The following CFAP97D1 variants were observed in gnomAD, a reference collection of about 807,000 sequenced individuals.
The protein encoded by CFAP97D1 is CFAP97 domain containing 1.
In CFAP97D1, 15 loss-of-function variants were observed where a neutral mutation model predicts 20.5. The ratio of observed to expected loss-of-function variants is 0.73; its 90% CI spans 0.49 to 1.13. The LOEUF (loss-of-function observed/expected upper bound fraction) is 1.13. Among genes scored for constraint, CFAP97D1 ranks in the 50% most tolerant of loss-of-function variants. The probability of loss-of-function intolerance (pLI) is 0.00; values close to 1 mark genes in which losing one functional copy is unlikely to be tolerated. For missense variants in CFAP97D1, 168 were observed against 202.9 expected, an observed-to-expected ratio of 0.83 and a Z score of 1.04; for synonymous variants, 58 against 71.2, an observed-to-expected ratio of 0.82 and a Z score of 0.93.
intron 2 of CFAP97D1, 91 bp downstream of exon 2, chr17:43,781,280 A>G (rs768063137): frequency 9.5e-7 from 1 of 1,054,316 alleles, no homozygotes; most frequent in Non-Finnish European, 1.4e-6. Context: ...AGAGCCTTCT[A>G]AATACCCATC....
chr17:43,784,935 T>C lies in CFAP97D1; in HGVS notation c.*553T>C, dbSNP rs927131353. ...GTGAGACAATGTTGCAGGCCTGCTA[T>C]GATTGGTCATGCTAGTTTTCAGCCC... On this transcript the variant is annotated 3_prime_UTR_variant, in exon 6 of 6. Transcript: ENST00000449302. 6.6e-6 allele frequency: 1 copy of C among 152,068 alleles called. No individual in the cohort carries two copies. Among genetic ancestry groups the C allele is most frequent in the African/African-American group, 2.4e-5 (1 of 41,388 alleles). The allele number at this position is 152,068 out of a possible 1,614,324, so 9.4% of individuals were successfully genotyped here. A position where few individuals can be genotyped will look rare whatever the true frequency, so the allele number is the denominator to read the frequency against.
intron 4 of CFAP97D1, among the ~76,000 whole-genome samples, chr17:43,783,520 G>A (rs1012942777): frequency 6.6e-6 from 1 of 151,644 alleles, no homozygotes; most frequent in African/African-American, 2.4e-5. Context: ...TTATGTGTCA[G>A]TTTCATAACA....
intron 3 of CFAP97D1, 79 bp from the exon 4 acceptor site, chr17:43,783,101 G>A: frequency 2.0e-6 from 3 of 1,525,330 alleles, no homozygotes; most frequent in South Asian, 2.4e-5. Flanking sequence ...TGGCATTTAT[G>A]ATCTCATGAC....
At chr17:43,787,620 AC>A (rs1292303844), downstream of CFAP97D1, 6 of 152,208 alleles carry the variant, frequency 3.9e-5, no homozygotes, top group East Asian at 1.9e-4. Context: ...CTTAAAAAAA[AC>A]AACATGCCTA....
At position 43,786,333 on chromosome 17, in the gene CFAP97D1, T is replaced by G. The variant is rs570834167; in HGVS notation, c.*1951T>G. The G allele has an allele frequency of 2.0e-4, 31 of 152,330 alleles. No individual in the cohort carries two copies. Among genetic ancestry groups the G allele is most frequent in the Admixed American group, 5.2e-4 (8 of 15,304 alleles). The allele number at this position is 152,330 out of a possible 1,614,324, so 9.4% of individuals were successfully genotyped here. ...TTACCAGGTTTCTATTCAGTCAAGT[T>G]GGCACCTTAAATTAACCATCGCACT... On this transcript the variant is annotated 3_prime_UTR_variant, in exon 6 of 6. Transcript: ENST00000449302.
At chr17:43,782,013 C>A in intron 3 of CFAP97D1, 121 bp downstream of exon 3, 1 of 672,420 alleles carries the variant, frequency 1.5e-6, no homozygotes, top group South Asian at 1.8e-5. Context: ...GAGGGAGAAC[C>A]AAACAGACCA....
intron 1 of CFAP97D1, 128 bp downstream of exon 1, chr17:43,780,714 G>A: frequency 2.0e-6 from 2 of 1,025,638 alleles, no homozygotes; most frequent in Non-Finnish European, 2.8e-6. Context: ...TGAGTTTGGG[G>A]AAGAGGGCAT....
At chr17:43,783,157 T>C in intron 3 of CFAP97D1, 23 bp from the exon 4 acceptor site, 2 of 1,551,498 alleles carry the variant, frequency 1.3e-6, no homozygotes, top group Non-Finnish European at 1.7e-6. Context: ...TCTTCACCCA[T>C]TTCGGGGTTT....
intron 2 of CFAP97D1, 71 bp downstream of exon 2, chr17:43,781,260 T>G: frequency 1.6e-6 from 2 of 1,278,398 alleles, no homozygotes; most frequent in South Asian, 2.6e-5. Context: ...CTAAAGAGGT[T>G]CAATTTCCCA....
Position 43,783,829 on chromosome 17 carries a change from C to T in CFAP97D1, c.439-8C>T, listed in dbSNP as rs1974498966. 15 of 1,548,078 alleles carry T rather than the reference C, an allele frequency of 9.7e-6. No individual in the cohort carries two copies. The highest frequency in any genetic ancestry group is 1.2e-5 in the Non-Finnish European group (14 of 1,145,476). On this transcript the variant is annotated splice_region_variant and splice_polypyrimidine_tract_variant and intron_variant, in intron 4 of 5. Transcript: ENST00000449302. ...GGCATTGACATAAACCAATTTTTTTCCTTCAAGAATTCAAGGCGCTATATC... is the reference window on the plus strand; with the variant it reads ...GGCATTGACATAAACCAATTTTTTTTCTTCAAGAATTCAAGGCGCTATATC...
chr17:43,781,309 T>A, intron 2 of CFAP97D1, 120 bp downstream of exon 2: 1 of 813,396 alleles, frequency 1.2e-6, no homozygotes, highest in Non-Finnish European at 2.0e-6. Context: ...GATTTGTTAA[T>A]ACTCCTCCTC....
At chr17:43,782,415 A>AC (rs1455544049) in intron 3 of CFAP97D1, among the ~76,000 whole-genome samples, 1 of 152,070 alleles carries the variant, frequency 6.6e-6, no homozygotes, top group Non-Finnish European at 1.5e-5. Context: ...TCAAAGGCCC[A>AC]CCCCCTAATA....
chr17:43,781,687 G>A lies in CFAP97D1; in HGVS notation c.196-87G>A, dbSNP rs75106919. ...GGCCCTCAATGCACCCCTTTCCCAC[G>A]ATCTCAGAGGAGGGGAACACTAAGT... On this transcript the variant is annotated intron_variant, in intron 2 of 5. Coordinates refer to ENST00000449302, the MANE Select transcript of CFAP97D1 (RefSeq NM_001136483.3). The A allele has an allele frequency of 2.7e-3, 2,447 of 901,510 alleles. 52 individuals are homozygous for A. In the African/African-American group the frequency reaches 0.036, roughly 13 times the overall value. 55.8% of individuals were successfully genotyped at this position (901,510 alleles called of 1,614,324 possible).
chr17:43,784,862 T>C lies in CFAP97D1; in HGVS notation c.*480T>C, dbSNP rs554556537. ...GCCTCATTGAAGTTTCCATGGACTC[T>C]GTTCATTTATAGGGAGCAGCAGCAG... On this transcript the variant is annotated 3_prime_UTR_variant, in exon 6 of 6. Coordinates refer to ENST00000449302, the MANE Select transcript of CFAP97D1 (RefSeq NM_001136483.3). 6.6e-6 allele frequency: 1 copy of C among 152,292 alleles called. No individual in the cohort carries two copies. Among genetic ancestry groups the C allele is most frequent in the Admixed American group, 6.5e-5 (1 of 15,294 alleles). The allele number at this position is 152,292 out of a possible 1,614,324, so 9.4% of individuals were successfully genotyped here.
At position 43,784,884 on chromosome 17, in the gene CFAP97D1, G is replaced by C. The variant is rs569656302; in HGVS notation, c.*502G>C. On this transcript the variant is annotated 3_prime_UTR_variant, in exon 6 of 6. Transcript: ENST00000449302. Reference sequence around the variant, plus strand: ...CTCTGTTCATTTATAGGGAGCAGCAGCAGTGAAAATGTCTCAAAACATACG... The same window carrying C: ...CTCTGTTCATTTATAGGGAGCAGCACCAGTGAAAATGTCTCAAAACATACG... 3 of 152,324 alleles carry C rather than the reference G, an allele frequency of 2.0e-5. No individual in the cohort carries two copies. The highest frequency in any genetic ancestry group is 6.5e-5 in the Admixed American group (1 of 15,298). 9.4% of individuals were successfully genotyped at this position (152,324 alleles called of 1,614,324 possible).
rs949645305 is a variant in CFAP97D1 at position 43,787,056 on chromosome 17, T to C, written c.*2674T>C. 6.6e-6 allele frequency: 1 copy of C among 152,152 alleles called. No homozygotes were observed. The highest frequency in any genetic ancestry group is 2.4e-5 in the African/African-American group (1 of 41,406). The allele number at this position is 152,152 out of a possible 1,614,324, so 9.4% of individuals were successfully genotyped here. On this transcript the variant is annotated 3_prime_UTR_variant, in exon 6 of 6. Coordinates refer to ENST00000449302, the MANE Select transcript of CFAP97D1 (RefSeq NM_001136483.3). ...ATCTTGGCTCACTGCAACCTCCACC[T>C]CTGGGGTTCAAGCGATTCTCCTGCC...
chr17:43,781,285 C>T, intron 2 of CFAP97D1, 96 bp downstream of exon 2: 1 of 999,564 alleles, frequency 1.0e-6, no homozygotes. Flanking sequence ...CTTCTAAATA[C>T]CCATCTACTC....
intron 3 of CFAP97D1, chr17:43,782,935 A>G (rs1292859889): frequency 1.2e-5 from 6 of 511,138 alleles, no homozygotes; most frequent in South Asian, 1.2e-4. Flanking sequence ...CCTCAGATCA[A>G]TGAAGTAGAA....
At chr17:43,783,964 G>A (rs1016617831) in intron 5 of CFAP97D1, 71 bp downstream of exon 5, 33 of 1,199,322 alleles carry the variant, frequency 2.8e-5, no homozygotes, top group East Asian at 2.6e-4. Flanking sequence ...CATAAATGGC[G>A]AATGAGGGGC....
Sources: gnomAD v4.1 joint callset for allele counts (sites outside exome capture counted in the v4.1 genomes callset) on GRCh38, gnomAD v4.1.1 for gene constraint, MANE v1.5 for transcripts, NCBI Gene and HGNC (gene_info 2026-07-23, HGNC 2026-07-21) for gene names.